CADM2: variants seen among roughly 807,000 people sequenced by gnomAD.
CADM2 encodes the protein cell adhesion molecule 2.
CADM2 carries 12 observed loss-of-function variants against 49.8 expected under a neutral mutation model. The ratio of observed to expected loss-of-function variants is 0.24; its 90% CI spans 0.15 to 0.39. The LOEUF is 0.39. CADM2 is among the 10% of genes least tolerant of loss of function. CADM2 has a pLI of 1.00. For synonymous variants in CADM2, 214 were observed against 175.4 expected (o/e 1.22, Z -1.74); for missense variants, 378 against 492.3 (o/e 0.77, Z 2.20).
chr3:85,577,156 T>G (rs1320978753), intron 1 of CADM2, among the ~76,000 whole-genome samples: 3 of 152,218 alleles, frequency 2.0e-5, no homozygotes, highest in African/African-American at 7.2e-5. Context: ...CAGTTTACAT[T>G]GTGCATTCAC....
At chr3:85,364,484 A>G (rs1012737379) in intron 1 of CADM2, among the ~76,000 whole-genome samples, 2 of 152,202 alleles carry the variant, frequency 1.3e-5, no homozygotes, top group Non-Finnish European at 2.9e-5. Flanking sequence ...CTACAAGGAC[A>G]TAAGAGCTCG....
At chr3:85,477,417 A>G (rs1429269402) in intron 1 of CADM2, among the ~76,000 whole-genome samples, 6 of 151,914 alleles carry the variant, frequency 3.9e-5, no homozygotes, top group African/African-American at 9.7e-5. Flanking sequence ...AATTCTTCGA[A>G]GTAGAACTAA....
chr3:85,860,468 C>G (rs557947299), intron 3 of CADM2, among the ~76,000 whole-genome samples: 1 of 152,040 alleles, frequency 6.6e-6, no homozygotes, highest in East Asian at 1.9e-4. Context: ...TGTCTTTGTC[C>G]TATTTGTGCT....
At position 84,999,693 on chromosome 3, in the gene CADM2, T is replaced by C. The variant is rs572609024; in HGVS notation, c.61+40025T>C. On this transcript the variant is annotated intron_variant, in intron 1 of 9. Coordinates refer to ENST00000383699, the MANE Select transcript of CADM2 (RefSeq NM_001167675.2). ...TGCATATCAGGCAGCTCAAATTTTTTAGTGCTCTGCACATGTCGGCAAATG... is the reference window on the plus strand; with the variant it reads ...TGCATATCAGGCAGCTCAAATTTTTCAGTGCTCTGCACATGTCGGCAAATG... Among the ~76,000 whole-genome samples the C allele has an allele frequency of 2.0e-5, 3 of 152,316 alleles. No homozygotes were observed. In the East Asian group the frequency reaches 5.8e-4, roughly 29 times the overall value.
At chr3:85,900,978 A>G (rs1716042703) in intron 5 of CADM2, among the ~76,000 whole-genome samples, 1 of 152,206 alleles carries the variant, frequency 6.6e-6, no homozygotes, top group African/African-American at 2.4e-5. Flanking sequence ...TACAAAATTT[A>G]TGAATCATAT....
chr3:85,196,486 A>G (rs1168074654), intron 1 of CADM2, among the ~76,000 whole-genome samples: 1 of 151,944 alleles, frequency 6.6e-6, no homozygotes, highest in Admixed American at 6.6e-5. Context: ...ATGACTCATC[A>G]GGAGAGTAGT....
chr3:85,419,319 G>T (rs1279418842), intron 1 of CADM2, among the ~76,000 whole-genome samples: 2 of 152,058 alleles, frequency 1.3e-5, no homozygotes, highest in Admixed American at 6.6e-5. Flanking sequence ...TTAGCTGGGC[G>T]TGGTGGCGGG....
intron 1 of CADM2, among the ~76,000 whole-genome samples, chr3:85,707,787 A>C (rs2066997043): frequency 6.6e-6 from 1 of 152,134 alleles, no homozygotes; most frequent in East Asian, 1.9e-4. Flanking sequence ...TTCCGTCTAA[A>C]TTTTAATCTT....
At chr3:85,758,926 T>TAA (rs540592685) in intron 2 of CADM2, among the ~76,000 whole-genome samples, 91 of 152,008 alleles carry the variant, frequency 6.0e-4, no homozygotes, top group Non-Finnish European at 1.9e-4. Context: ...TGAGAAGGGG[T>TAA]AAAGTGGGGG....
chr3:85,216,882 T>G (rs2041940739), intron 1 of CADM2, among the ~76,000 whole-genome samples: 1 of 152,118 alleles, frequency 6.6e-6, no homozygotes, highest in African/African-American at 2.4e-5. Context: ...CATAAAATAT[T>G]GATATGGTAA....
intron 1 of CADM2, among the ~76,000 whole-genome samples, chr3:85,050,512 A>AT: frequency 6.6e-6 from 1 of 152,280 alleles, no homozygotes; most frequent in Middle Eastern, 3.4e-3. Context: ...TTCTAAATAT[A>AT]TTTTATCTCA....
chr3:85,370,241 A>ATAG (rs1177130797), intron 1 of CADM2, among the ~76,000 whole-genome samples: 1 of 146,844 alleles, frequency 6.8e-6, no homozygotes. Flanking sequence ...AATAATAATA[A>ATAG]TAATAATAAT....
chr3:85,038,894 A>G (rs1176640369), intron 1 of CADM2, among the ~76,000 whole-genome samples: 1 of 152,174 alleles, frequency 6.6e-6, no homozygotes, highest in Admixed American at 6.5e-5. Flanking sequence ...AAATGTAACA[A>G]CTTTTTCATC....
intron 1 of CADM2, among the ~76,000 whole-genome samples, chr3:84,975,455 A>T (rs1466002791): frequency 6.6e-6 from 1 of 151,806 alleles, no homozygotes; most frequent in Admixed American, 6.6e-5. Context: ...AGGATTTTGT[A>T]ATGCCATCTC....
At chr3:85,587,894 G>A (rs983929734) in intron 1 of CADM2, among the ~76,000 whole-genome samples, 12 of 151,836 alleles carry the variant, frequency 7.9e-5, no homozygotes, top group African/African-American at 2.7e-4. Flanking sequence ...ACAGACACGC[G>A]TCACCATCCT....
At chr3:85,980,799 G>C (rs900638417) in intron 8 of CADM2, among the ~76,000 whole-genome samples, 1 of 151,336 alleles carries the variant, frequency 6.6e-6, no homozygotes, top group Non-Finnish European at 1.5e-5. Context: ...ATACTATTAA[G>C]TTCTGACTAT....
chr3:85,172,603 G>C (rs2040657556), intron 1 of CADM2, among the ~76,000 whole-genome samples: 1 of 151,972 alleles, frequency 6.6e-6, no homozygotes, highest in Non-Finnish European at 1.5e-5. Flanking sequence ...AAGAATGGTG[G>C]TGATATTCAG....
chr3:85,450,882 G>A lies in CADM2; in HGVS notation c.62-275640G>A, dbSNP rs577573278. ...TTTAAACAGATCTAGTTTTGAATTC[G>A]GCCTAGGCTACTAAGTCAAATTTCT... On this transcript the variant is annotated intron_variant, in intron 1 of 9. Coordinates refer to ENST00000383699, the MANE Select transcript of CADM2 (RefSeq NM_001167675.2). Among the ~76,000 whole-genome samples, 13 of 151,644 alleles carry A rather than the reference G, an allele frequency of 8.6e-5. 1 individual carries two copies. Among genetic ancestry groups the A allele is most frequent in the Non-Finnish European group, 1.3e-4 (9 of 67,872 alleles).
At chr3:85,697,765 C>T (rs1291505456) in intron 1 of CADM2, among the ~76,000 whole-genome samples, 1 of 152,068 alleles carries the variant, frequency 6.6e-6, no homozygotes, top group Non-Finnish European at 1.5e-5. Context: ...TGGTGTATTC[C>T]TCTTGATTAT....
Sources: allele counts gnomAD v4.1 joint callset (sites outside exome capture counted in the v4.1 genomes callset), GRCh38; gene constraint gnomAD v4.1.1; transcripts MANE v1.5; gene names NCBI Gene and HGNC (gene_info 2026-07-23, HGNC 2026-07-21).